Variants in SORCS1 observed in about 807,000 individuals in gnomAD.
The protein encoded by SORCS1 is sortilin related VPS10 domain containing receptor 1, also known as VPS10 domain-containing receptor SorCS1.
In SORCS1, 60 loss-of-function variants were observed where a neutral mutation model predicts 146.1. That is an observed-to-expected ratio of 0.41 (90% CI 0.33 to 0.51). SORCS1 has a LOEUF of 0.51. SORCS1 is among the 20% of genes least tolerant of loss of function. The probability of loss-of-function intolerance (pLI) is 0.21; values close to 1 mark genes in which losing one functional copy is unlikely to be tolerated. For synonymous variants in SORCS1, 637 were observed against 584.0 expected (o/e 1.09, Z -1.31); for missense variants, 1,352 against 1,487.6 (o/e 0.91, Z 1.50).
At chr10:106,763,929 C>T (rs4918252) in intron 4 of SORCS1, among the ~76,000 whole-genome samples, 35,746 of 152,072 alleles carry the variant, frequency 0.24, 4,548 homozygotes, top group Non-Finnish European at 0.29. Flanking sequence ...TATCCTTCTA[C>T]GTGTACGGGT....
chr10:107,033,020 T>C (rs754399222), intron 1 of SORCS1, among the ~76,000 whole-genome samples: 1 of 152,158 alleles, frequency 6.6e-6, no homozygotes, highest in South Asian at 2.1e-4. Flanking sequence ...TATAAAGAAC[T>C]ACCTGAGACT....
At chr10:107,131,080 CA>C (rs1175456511) in intron 1 of SORCS1, among the ~76,000 whole-genome samples, 1 of 152,228 alleles carries the variant, frequency 6.6e-6, no homozygotes, top group Non-Finnish European at 1.5e-5. Flanking sequence ...CTCCTTGTTG[CA>C]AACACCACGT....
chr10:107,040,242 G>A (rs1959093615), intron 1 of SORCS1, among the ~76,000 whole-genome samples: 2 of 152,076 alleles, frequency 1.3e-5, no homozygotes, highest in African/African-American at 2.4e-5. Flanking sequence ...TAATGGCCCA[G>A]GGTTTTGGGG....
intron 2 of SORCS1, among the ~76,000 whole-genome samples, chr10:106,907,428 T>C (rs974745537): frequency 2.0e-5 from 3 of 151,908 alleles, no homozygotes; most frequent in African/African-American, 7.3e-5. Flanking sequence ...CTTGTGTCCA[T>C]ACATACAGAA....
rs12572300 is a variant in SORCS1 at position 106,737,290 on chromosome 10, C to T, written c.960-7176G>A. The stretch of plus-strand genomic sequence containing the variant: ...AAACCAGCCAAGAAGAAGCTTTCTG[C>T]AGCAGCTCTCCCCTTCCTTTCCCCA... On this transcript the variant is annotated intron_variant, in intron 5 of 25. Coordinates refer to ENST00000263054, the MANE Select transcript of SORCS1 (RefSeq NM_052918.5). Among the ~76,000 whole-genome samples, 1,679 of 152,274 alleles carry T rather than the reference C, an allele frequency of 0.011. 76 individuals are homozygous for T. In the East Asian group the frequency reaches 0.14, roughly 13 times the overall value.
At chr10:106,818,325 A>G (rs889511455) in intron 3 of SORCS1, among the ~76,000 whole-genome samples, 10 of 152,014 alleles carry the variant, frequency 6.6e-5, no homozygotes, top group African/African-American at 2.4e-4. Context: ...CTGAAAATAA[A>G]TTACATTATT....
intron 1 of SORCS1, among the ~76,000 whole-genome samples, chr10:107,072,959 T>G (rs570185277): frequency 1.5e-4 from 23 of 152,294 alleles, no homozygotes; most frequent in African/African-American, 4.8e-4. Context: ...AAAGGCCCCT[T>G]GTGCCCTAAC....
At chr10:106,632,381 T>C (rs146979541) in intron 18 of SORCS1, among the ~76,000 whole-genome samples, 50 of 152,318 alleles carry the variant, frequency 3.3e-4, no homozygotes, top group Middle Eastern at 3.4e-3. Flanking sequence ...CTACGGCCAC[T>C]GTAACAGCTT....
intron 2 of SORCS1, among the ~76,000 whole-genome samples, chr10:106,892,634 C>T (rs1201712505): frequency 6.6e-6 from 1 of 152,128 alleles, no homozygotes; most frequent in Non-Finnish European, 1.5e-5. Context: ...TTCATGAAGT[C>T]TTCTTTAGGC....
At chr10:107,137,459 C>A (rs553846126) in intron 1 of SORCS1, among the ~76,000 whole-genome samples, 1 of 152,210 alleles carries the variant, frequency 6.6e-6, no homozygotes, top group East Asian at 1.9e-4. Flanking sequence ...TAGCCTACAT[C>A]CCCTCCATAT....
At chr10:106,717,788 A>G (rs1855481911) in intron 6 of SORCS1, among the ~76,000 whole-genome samples, 1 of 152,236 alleles carries the variant, frequency 6.6e-6, no homozygotes, top group Non-Finnish European at 1.5e-5. Context: ...CTGTCCAATT[A>G]CAATGCAGCA....
At chr10:106,922,098 C>G (rs1231281474) in intron 2 of SORCS1, among the ~76,000 whole-genome samples, 1 of 152,170 alleles carries the variant, frequency 6.6e-6, no homozygotes, top group Non-Finnish European at 1.5e-5. Flanking sequence ...ATTGAGCAGA[C>G]AGGTCTCCTC....
chr10:106,780,778 C>T (rs1317098294), intron 3 of SORCS1, among the ~76,000 whole-genome samples: 1 of 152,156 alleles, frequency 6.6e-6, no homozygotes, highest in Admixed American at 6.5e-5. Context: ...TTATGCCTTG[C>T]AGGGTGTGCC....
At chr10:106,735,017 G>A (rs1467584363) in intron 5 of SORCS1, among the ~76,000 whole-genome samples, 1 of 151,886 alleles carries the variant, frequency 6.6e-6, no homozygotes, top group Non-Finnish European at 1.5e-5. Context: ...ATGGTGGCGG[G>A]CAGCTGTAAT....
intron 24 of SORCS1, among the ~76,000 whole-genome samples, chr10:106,597,007 C>T (rs1404120317): frequency 6.6e-6 from 1 of 152,064 alleles, no homozygotes; most frequent in East Asian, 1.9e-4. Flanking sequence ...ATGCACCACC[C>T]TGCCCAGCTG....
At chr10:106,934,146 A>ATT (rs1316438091) in intron 2 of SORCS1, among the ~76,000 whole-genome samples, 1 of 151,976 alleles carries the variant, frequency 6.6e-6, no homozygotes, top group Non-Finnish European at 1.5e-5. Context: ...GTGAAAATAT[A>ATT]ATAGACATTG....
intron 2 of SORCS1, among the ~76,000 whole-genome samples, chr10:106,942,156 T>C (rs1348625060): frequency 2.6e-4 from 39 of 152,148 alleles, no homozygotes; most frequent in Non-Finnish European, 1.8e-4. Flanking sequence ...TTCACAGAGT[T>C]CCCCGGGGAC....
chr10:106,820,620 C>T (rs1361063891), intron 3 of SORCS1, among the ~76,000 whole-genome samples: 1 of 152,148 alleles, frequency 6.6e-6, no homozygotes, highest in Admixed American at 6.5e-5. Flanking sequence ...CATGACAGCA[C>T]CAGGAGAAAG....
At chr10:106,873,307 C>T (rs1007883170) in intron 2 of SORCS1, among the ~76,000 whole-genome samples, 3 of 123,436 alleles carry the variant, frequency 2.4e-5, no homozygotes, top group African/African-American at 6.6e-5. Flanking sequence ...GAGCAAAACT[C>T]GGTCTCAAAA....
Sources: allele counts gnomAD v4.1 joint callset (sites outside exome capture counted in the v4.1 genomes callset), GRCh38; gene constraint gnomAD v4.1.1; transcripts MANE v1.5; gene names NCBI Gene and HGNC (gene_info 2026-07-23, HGNC 2026-07-21).